EXOC1: variants seen among roughly 807,000 people sequenced by gnomAD.
The protein encoded by EXOC1 is exocyst complex component 1, also known as SEC3-like 1.
A neutral mutation model predicts 107.7 loss-of-function variants in EXOC1; 67 were observed. That is an observed-to-expected ratio of 0.62 (90% CI 0.51 to 0.76). EXOC1 has a LOEUF of 0.76. EXOC1 is among the 30% of genes least tolerant of loss of function. The probability of loss-of-function intolerance (pLI) is 0.00; values close to 1 mark genes in which losing one functional copy is unlikely to be tolerated. For synonymous variants in EXOC1, 348 were observed against 353.5 expected, an observed-to-expected ratio of 0.98 and a Z score of 0.17; for missense variants, 833 against 1,055.7, an observed-to-expected ratio of 0.79 and a Z score of 2.92.
intron 14 of EXOC1, 119 bp downstream of exon 14, chr4:55,892,830 A>G: frequency 2.4e-6 from 2 of 835,296 alleles, no homozygotes; most frequent in South Asian, 1.6e-5. Flanking sequence ...CAGTACCAGC[A>G]TGTGTGTCCA....
chr4:55,894,964 CA>C (rs554683359), intron 15 of EXOC1, among the ~76,000 whole-genome samples: 157 of 151,992 alleles, frequency 1.0e-3, no homozygotes, highest in Non-Finnish European at 1.6e-3. Context: ...TGGGCTAGGC[CA>C]GGTTAAAAAA....
chr4:55,903,603 A>G (rs537743661), intron 18 of EXOC1, among the ~76,000 whole-genome samples: 1 of 152,120 alleles, frequency 6.6e-6, no homozygotes, highest in Admixed American at 6.6e-5. Flanking sequence ...CTCAGCTGTC[A>G]AATAGGGAAG....
intron 18 of EXOC1, among the ~76,000 whole-genome samples, chr4:55,902,947 G>A (rs1726136919): frequency 1.3e-5 from 2 of 151,748 alleles, no homozygotes; most frequent in South Asian, 4.2e-4. Context: ...AGTAGCCACT[G>A]TATTGGGCAA....
At chr4:55,876,930 T>C (rs1722955948) in intron 8 of EXOC1, 2 of 985,312 alleles carry the variant, frequency 2.0e-6, no homozygotes, top group Non-Finnish European at 2.4e-6. Flanking sequence ...TGGGTTTTTG[T>C]ACTTGGCATG....
At chr4:55,893,828 A>G in intron 15 of EXOC1, 48 bp downstream of exon 15, 1 of 1,379,926 alleles carries the variant, frequency 7.2e-7, no homozygotes, top group Non-Finnish European at 1.0e-6. Context: ...AGTCATTGCA[A>G]AATATAGGTA....
intron 4 of EXOC1, among the ~76,000 whole-genome samples, chr4:55,865,500 G>A (rs564876162): frequency 6.6e-6 from 1 of 152,158 alleles, no homozygotes; most frequent in Non-Finnish European, 1.5e-5. Flanking sequence ...TGAGTGTGTA[G>A]AGGGAATGAC....
intron 18 of EXOC1, 87 bp from the exon 19 acceptor site, chr4:55,904,256 C>G: frequency 7.5e-7 from 1 of 1,327,530 alleles, no homozygotes; most frequent in Non-Finnish European, 1.0e-6. Flanking sequence ...TACCCAAATT[C>G]TTAGAATATG....
At position 55,896,900 on chromosome 4, in the gene EXOC1, G is replaced by A; in HGVS notation, c.2137G>A (p.Val713Met). The A allele has an allele frequency of 6.3e-7, 1 of 1,582,346 alleles. No individual in the cohort carries two copies. Among genetic ancestry groups the A allele is most frequent in the Non-Finnish European group, 8.5e-7 (1 of 1,170,506 alleles). ...TKLIRGVFVN[V>M]EKVANESQKT... is the part of the protein sequence containing the mutation. Reference sequence around the variant, plus strand: ...ACTTATCAGAGGAGTATTTGTTAATGGTAAGCTTTTGTTATGTTCTAAAGA... The same window carrying A: ...ACTTATCAGAGGAGTATTTGTTAATAGTAAGCTTTTGTTATGTTCTAAAGA... Residue 713 changes from valine (V) to methionine (M), a missense_variant and splice_region_variant, in exon 16 of 19, where the codon GTG becomes ATG. Physicochemically the swap from Val to Met is conservative, Grantham distance 21. Around this residue, in one of 2 missense-constraint regions of EXOC1, gnomAD observed 216 missense variants for 354.4 expected, o/e 0.61. Coordinates refer to ENST00000381295, the MANE Select transcript of EXOC1 (RefSeq NM_001024924.2).
At chr4:55,873,848 A>G (rs1485395294) in intron 8 of EXOC1, among the ~76,000 whole-genome samples, 1 of 152,186 alleles carries the variant, frequency 6.6e-6, no homozygotes. Context: ...TGATTAAAAT[A>G]ATATGGTACA....
intron 15 of EXOC1, among the ~76,000 whole-genome samples, chr4:55,894,853 C>T (rs1345290289): frequency 6.6e-6 from 1 of 151,912 alleles, no homozygotes; most frequent in Non-Finnish European, 1.5e-5. Flanking sequence ...AACTCCCAAC[C>T]TCAGGTGATC....
chr4:55,862,327 T>G (rs188693779), intron 3 of EXOC1, among the ~76,000 whole-genome samples: 116 of 152,286 alleles, frequency 7.6e-4, no homozygotes, highest in African/African-American at 2.7e-3. Context: ...TTTTTTTTTT[T>G]TGCATTTTAT....
chr4:55,864,891 G>A (rs1721815066), intron 4 of EXOC1, among the ~76,000 whole-genome samples: 1 of 152,130 alleles, frequency 6.6e-6, no homozygotes. Flanking sequence ...TTTTTGTACA[G>A]AGGGTAGATG....
chr4:55,891,935 T>TA (rs1724603362), intron 13 of EXOC1, among the ~76,000 whole-genome samples: 1 of 152,212 alleles, frequency 6.6e-6, no homozygotes, highest in South Asian at 2.1e-4. Context: ...GTAAAGTAGA[T>TA]ATCATAGTGC....
chr4:55,864,010 A>G (rs887623543), intron 3 of EXOC1, among the ~76,000 whole-genome samples: 1 of 152,230 alleles, frequency 6.6e-6, no homozygotes, highest in Non-Finnish European at 1.5e-5. Context: ...TAGGAAGAAA[A>G]TGACCACAAC....
At chr4:55,881,728 C>T (rs1723397412) in intron 9 of EXOC1, among the ~76,000 whole-genome samples, 1 of 152,080 alleles carries the variant, frequency 6.6e-6, no homozygotes, top group African/African-American at 2.4e-5. Flanking sequence ...CCAAAGGAGC[C>T]AATCAGATAC....
rs183731297 is a variant in EXOC1, at chr4:55,868,837, A to G, written c.603+314A>G. On this transcript the variant is annotated intron_variant, in intron 5 of 18. Transcript: ENST00000381295. ...CGCTCAGCCTCTGAAACATGTCTGAATAGTTCAGTGCCAAAGAATAGCATT... is the reference window on the plus strand; with the variant it reads ...CGCTCAGCCTCTGAAACATGTCTGAGTAGTTCAGTGCCAAAGAATAGCATT... 2.1e-4 allele frequency: 46 copies of G among 216,334 alleles called. No individual in the cohort carries two copies. In the Admixed American group the frequency reaches 2.4e-3, roughly 11 times the overall value. The allele number at this position is 216,334 out of a possible 1,614,324, so 13.4% of individuals were successfully genotyped here. A position where few individuals can be genotyped will look rare whatever the true frequency, so the allele number is the denominator to read the frequency against.
intron 9 of EXOC1, among the ~76,000 whole-genome samples, chr4:55,879,611 G>A (rs1416416789): frequency 6.6e-6 from 1 of 152,188 alleles, no homozygotes; most frequent in East Asian, 1.9e-4. Flanking sequence ...AATAGCCATT[G>A]TAGCAGGAAG....
intron 8 of EXOC1, chr4:55,877,066 A>G: frequency 1.0e-6 from 1 of 979,306 alleles, no homozygotes; most frequent in South Asian, 4.7e-5. Flanking sequence ...CCACTAGGTT[A>G]TTTTGTGTAT....
chr4:55,895,552 AT>A (rs143352899), intron 15 of EXOC1, among the ~76,000 whole-genome samples: 9,611 of 152,198 alleles, frequency 0.063, 375 homozygotes, highest in Non-Finnish European at 0.077. Flanking sequence ...AGAGATAATT[AT>A]TTTTCTAATC....
Sources: allele counts gnomAD v4.1 joint callset (sites outside exome capture counted in the v4.1 genomes callset), GRCh38; gene constraint gnomAD v4.1.1; regional missense constraint gnomAD v4.1.1; transcripts MANE v1.5; gene names NCBI Gene and HGNC (gene_info 2026-07-23, HGNC 2026-07-21).